The following KIF17 variants were observed in gnomAD, a reference collection of about 807,000 sequenced individuals.
KIF17 encodes kinesin family member 17.
Under a neutral mutation model 96.8 loss-of-function variants are expected in KIF17, and 80 were observed. The observed-to-expected ratio is 0.83, with a 90% CI of 0.69 to 1.00. KIF17 has a LOEUF of 1.00. KIF17 is among the 50% of genes least tolerant of loss of function. KIF17 has a pLI of 0.00. For missense variants in KIF17, 1,280 were observed against 1,372.9 expected (o/e 0.93, Z 1.07); for synonymous variants, 567 against 587.5 (o/e 0.97, Z 0.51).
chr1:20,707,781 A>ATGTGTGTGTGTGTG (rs1436276510), intron 4 of KIF17, among the ~76,000 whole-genome samples: 86 of 90,926 alleles, frequency 9.5e-4, no homozygotes, highest in African/African-American at 4.0e-3. Flanking sequence ...AAACAAACCA[A>ATGTGTGTGTGTGTG]TGTGTATGTG....
chr1:20,717,594 C>A lies in KIF17; in HGVS notation c.113G>T (p.Cys38Phe), dbSNP rs1482647850. 1.2e-6 allele frequency: 2 copies of A among 1,611,158 alleles called. No homozygotes were observed. Among genetic ancestry groups the A allele is most frequent in the Non-Finnish European group, 1.7e-6 (2 of 1,179,538 alleles). The change falls in exon 1 of 15, where the codon TGC becomes TTC. Residue 38 changes from cysteine (C) to phenylalanine (F), a missense_variant. Cys to Phe is a radical substitution (Grantham distance 205). Coordinates refer to ENST00000400463, the MANE Select transcript of KIF17 (RefSeq NM_001122819.3). The part of the protein sequence containing the change: ...VTVDCARAQC[C>F]IQNPGAADEP... ...GTCGGCGGCGCCCGGGTTCTGGATGCAGCACTGGGCGCGCGCGCAGTCCAC... is the reference window on the plus strand; with the variant it reads ...GTCGGCGGCGCCCGGGTTCTGGATGAAGCACTGGGCGCGCGCGCAGTCCAC...
At position 20,685,311 on chromosome 1, in the gene KIF17, T is replaced by A; in HGVS notation, c.2020-291A>T. On this transcript the variant is annotated intron_variant, in intron 9 of 14. Coordinates refer to ENST00000400463, the MANE Select transcript of KIF17 (RefSeq NM_001122819.3). This position sits in a 1 kb window ranked among gnomAD's most constrained non-coding sequence, Gnocchi z 4.1. Reference sequence around the variant, plus strand: ...CATCTTAAAATAGAAACCGATCACATCCCGTTCCCGATGAGCCCCATGTGA... The same window carrying A: ...CATCTTAAAATAGAAACCGATCACAACCCGTTCCCGATGAGCCCCATGTGA... The A allele has an allele frequency of 1.7e-6, 1 of 589,168 alleles. No homozygotes were observed. The highest frequency in any genetic ancestry group is 3.6e-5 in the East Asian group (1 of 28,042). The allele number at this position is 589,168 out of a possible 1,614,324, so 36.5% of individuals were successfully genotyped here. A position where few individuals can be genotyped will look rare whatever the true frequency, so the allele number is the denominator to read the frequency against.
intron 5 of KIF17, among the ~76,000 whole-genome samples, chr1:20,703,086 G>A (rs1557600692): frequency 6.6e-6 from 1 of 152,082 alleles, no homozygotes; most frequent in Admixed American, 6.6e-5. Context: ...TGGATGGGGT[G>A]GGTGATTAGA....
At chr1:20,664,833 T>C in intron 14 of KIF17, 71 bp from the exon 15 acceptor site, 2 of 1,416,000 alleles carry the variant, frequency 1.4e-6, no homozygotes, top group Non-Finnish European at 2.0e-6. Context: ...CCCAAGTGGG[T>C]AGGATGGAGA....
intron 4 of KIF17, among the ~76,000 whole-genome samples, chr1:20,705,704 C>T (rs1359629321): frequency 1.3e-5 from 2 of 152,038 alleles, no homozygotes; most frequent in Admixed American, 6.6e-5. Flanking sequence ...TGCCGGGGTT[C>T]GTGCGGAAGC....
intron 12 of KIF17, among the ~76,000 whole-genome samples, chr1:20,671,261 A>G (rs139099047): frequency 5.2e-4 from 79 of 152,340 alleles, no homozygotes; most frequent in Admixed American, 3.3e-3. Flanking sequence ...AATGACATGC[A>G]GCGAGCATCA....
intron 10 of KIF17, among the ~76,000 whole-genome samples, chr1:20,684,093 A>C (rs965023966): frequency 1.3e-5 from 2 of 152,246 alleles, no homozygotes; most frequent in Non-Finnish European, 2.9e-5. Context: ...CAGTGAAGGC[A>C]CAGAGAGGTT....
At position 20,709,945 on chromosome 1, in the gene KIF17, G is replaced by A; in HGVS notation, c.481-117C>T. ...CAGACCGCCCTCGCCCTCCTGTAATGCAGGCTGGCACCTCACATGCCTGTC... is the reference window on the plus strand; with the variant it reads ...CAGACCGCCCTCGCCCTCCTGTAATACAGGCTGGCACCTCACATGCCTGTC... On this transcript the variant is annotated intron_variant, in intron 3 of 14. Transcript: ENST00000400463. The surrounding 1 kb of genome is among the most constrained non-coding windows in gnomAD (Gnocchi z 4.7). 4.3e-6 allele frequency: 4 copies of A among 935,114 alleles called. No individual in the cohort carries two copies. The highest frequency in any genetic ancestry group is 6.7e-6 in the Non-Finnish European group (4 of 596,796). 57.9% of individuals were successfully genotyped at this position (935,114 alleles called of 1,614,324 possible). A position where few individuals can be genotyped will look rare whatever the true frequency, so the allele number is the denominator to read the frequency against.
chr1:20,695,541 A>G (rs1054979835), intron 6 of KIF17, among the ~76,000 whole-genome samples: 2 of 152,094 alleles, frequency 1.3e-5, no homozygotes, highest in Non-Finnish European at 2.9e-5. Context: ...GGGTTTCGAC[A>G]TGGCTGAGCC....
intron 3 of KIF17, among the ~76,000 whole-genome samples, chr1:20,711,648 G>T (rs2054438594): frequency 6.6e-6 from 1 of 152,190 alleles, no homozygotes; most frequent in African/African-American, 2.4e-5. Flanking sequence ...AGGCAGTTCA[G>T]GGCTGGGTTC....
chr1:20,707,843 A>AT (rs1193132053), intron 4 of KIF17, among the ~76,000 whole-genome samples: 2 of 138,654 alleles, frequency 1.4e-5, no homozygotes, highest in Admixed American at 7.4e-5. Context: ...GTGTATAAAA[A>AT]ATATATATGT....
chr1:20,706,112 C>G (rs1487184367), intron 4 of KIF17, among the ~76,000 whole-genome samples: 1 of 150,726 alleles, frequency 6.6e-6, no homozygotes, highest in African/African-American at 2.4e-5. Context: ...CCCTATGTTG[C>G]CCAGGCTGGT....
At chr1:20,673,819 G>A (rs945913085) in intron 11 of KIF17, among the ~76,000 whole-genome samples, 1 of 151,930 alleles carries the variant, frequency 6.6e-6, no homozygotes, top group South Asian at 2.1e-4. Context: ...GTGAGCCACC[G>A]CGCCCGGCCC....
At chr1:20,695,494 C>G (rs1295237531) in intron 6 of KIF17, among the ~76,000 whole-genome samples, 2 of 152,168 alleles carry the variant, frequency 1.3e-5, no homozygotes, top group African/African-American at 2.4e-5. Flanking sequence ...CAACCCCATT[C>G]TCACTTTTAA....
In KIF17 at chr1:20,664,729, G is replaced by A. The variant is rs1248691105; in HGVS notation, c.2942C>T (p.Pro981Leu). 2 of 1,612,130 alleles carry A rather than the reference G, an allele frequency of 1.2e-6. No homozygotes were observed. The highest frequency in any genetic ancestry group is 1.7e-6 in the Non-Finnish European group (2 of 1,179,824). The change falls in exon 15 of 15, where the codon CCA becomes CTA. Residue 981 changes from proline (P) to leucine (L), a missense_variant. Transcript: ENST00000400463. ...HHNSPPGLSC[P>L]LSNNSAIPPT... ...TGGGATGGCAGAGTTGTTGCTGAGT[G>A]GGCAGCTGAGGCCTGGTGGCGAGTT...
chr1:20,682,952 G>A (rs1489080738), intron 10 of KIF17, 68 bp from the exon 11 acceptor site: 2 of 1,419,270 alleles, frequency 1.4e-6, no homozygotes, highest in East Asian at 4.6e-5. Flanking sequence ...CCATCCAGCA[G>A]GCTCCAGGCT....
intron 3 of KIF17, among the ~76,000 whole-genome samples, chr1:20,710,821 G>A (rs1291964426): frequency 6.6e-6 from 1 of 152,290 alleles, no homozygotes; most frequent in South Asian, 2.1e-4. Context: ...TGGAATAGAG[G>A]AGTAACTGAC....
chr1:20,684,331 C>T (rs581635), intron 10 of KIF17, among the ~76,000 whole-genome samples: 42,850 of 152,154 alleles, frequency 0.28, 7,063 homozygotes, highest in African/African-American at 0.46. Context: ...TGGATGACCA[C>T]GACATGGAGG....
intron 12 of KIF17, among the ~76,000 whole-genome samples, chr1:20,671,560 C>T (rs2053647907): frequency 1.3e-5 from 2 of 152,060 alleles, no homozygotes; most frequent in Non-Finnish European, 2.9e-5. Context: ...GTCTCGAACT[C>T]CTGGACTCAA....
Sources: allele counts gnomAD v4.1 joint callset (sites outside exome capture counted in the v4.1 genomes callset), GRCh38; gene constraint gnomAD v4.1.1; non-coding constraint Gnocchi (gnomAD v3.1); transcripts MANE v1.5; gene names NCBI Gene and HGNC (gene_info 2026-07-23, HGNC 2026-07-21).